Variants in AQR observed in about 807,000 individuals in gnomAD.
AQR encodes the protein RNA helicase aquarius.
AQR carries 61 observed loss-of-function variants against 180.5 expected under a neutral mutation model. The observed-to-expected ratio is 0.34, with a 90% confidence interval of 0.28 to 0.42. The LOEUF is 0.42. Ranked by LOEUF, AQR falls within the 10% of genes least tolerant of loss-of-function variation. The probability of loss-of-function intolerance (pLI) is 1.00; values close to 1 mark genes in which losing one functional copy is unlikely to be tolerated. For synonymous variants in AQR, 551 were observed against 588.8 expected, an observed-to-expected ratio of 0.94 and a Z score of 0.93; for missense variants, 1,281 against 1,798.3, an observed-to-expected ratio of 0.71 and a Z score of 5.20.
At chr15:34,915,356 A>G (rs1487427078) in intron 15 of AQR, among the ~76,000 whole-genome samples, 177 bp from the exon 16 acceptor site, 2 of 151,726 alleles carry the variant, frequency 1.3e-5, no homozygotes, top group Non-Finnish European at 2.9e-5. Flanking sequence ...ATGCCTGGCT[A>G]ATTTTTTGTG....
intron 31 of AQR, 69 bp from the exon 32 acceptor site, chr15:34,867,678 A>G: frequency 9.4e-7 from 1 of 1,068,584 alleles, no homozygotes; most frequent in Non-Finnish European, 1.4e-6. Flanking sequence ...CATTTAAATA[A>G]TGTGCTAGGA....
intron 16 of AQR, 88 bp from the exon 17 acceptor site, chr15:34,910,401 T>A: frequency 1.4e-6 from 2 of 1,392,380 alleles, no homozygotes; most frequent in Non-Finnish European, 2.0e-6. Flanking sequence ...GTAGGAATAC[T>A]GTTCAGCTAG....
intron 1 of AQR, among the ~76,000 whole-genome samples, chr15:34,966,201 C>G (rs927429506): frequency 2.6e-5 from 4 of 152,148 alleles, no homozygotes; most frequent in African/African-American, 9.7e-5. Flanking sequence ...AAAGTGAGGT[C>G]ACAAAGTTCA....
chr15:34,952,967 C>T (rs768053297), intron 3 of AQR, 47 bp from the exon 4 acceptor site: 44 of 1,134,674 alleles, frequency 3.9e-5, no homozygotes, highest in Admixed American at 2.4e-4. Context: ...AGAATACAAA[C>T]GTTTCAGAGT....
At chr15:34,874,619 T>A in intron 29 of AQR, 58 bp downstream of exon 29, 1 of 1,591,134 alleles carries the variant, frequency 6.3e-7, no homozygotes, top group Non-Finnish European at 8.6e-7. Flanking sequence ...TCACAAATAC[T>A]TGGATCATGG....
intron 27 of AQR, among the ~76,000 whole-genome samples, chr15:34,879,760 C>T (rs1282917549): frequency 6.6e-6 from 1 of 152,192 alleles, no homozygotes; most frequent in African/African-American, 2.4e-5. Context: ...CCTTCTCTCT[C>T]ACCCCCAATA....
intron 17 of AQR, among the ~76,000 whole-genome samples, chr15:34,909,614 C>T: frequency 6.6e-6 from 1 of 152,182 alleles, no homozygotes. Context: ...CCCACCCCCA[C>T]ATATTCTTTT....
chr15:34,920,787 T>C (rs1411682185), intron 13 of AQR, among the ~76,000 whole-genome samples: 1 of 151,962 alleles, frequency 6.6e-6, no homozygotes, highest in Non-Finnish European at 1.5e-5. Context: ...TGAAATTCCG[T>C]CTCTACTAAA....
chr15:34,877,741 T>C (rs1432154929), intron 27 of AQR, among the ~76,000 whole-genome samples: 2 of 152,226 alleles, frequency 1.3e-5, no homozygotes. Context: ...AAATTATCAC[T>C]ACTTTAGCTA....
At chr15:34,938,847 TGAA>T (rs1426990800) in intron 8 of AQR, 34 bp from the exon 9 acceptor site, 17 of 1,435,406 alleles carry the variant, frequency 1.2e-5, no homozygotes, top group Non-Finnish European at 1.7e-5. Flanking sequence ...CAATTATTTT[TGAA>T]GAATAGTCAT....
intron 15 of AQR, among the ~76,000 whole-genome samples, chr15:34,916,455 A>T (rs1893589204): frequency 6.6e-6 from 1 of 151,930 alleles, no homozygotes; most frequent in Non-Finnish European, 1.5e-5. Context: ...AAAAAAAAAT[A>T]AACTTAAATA....
intron 17 of AQR, among the ~76,000 whole-genome samples, chr15:34,908,630 T>G (rs949925087): frequency 1.3e-5 from 2 of 152,134 alleles, no homozygotes; most frequent in African/African-American, 4.8e-5. Context: ...CCCATCAAAA[T>G]GTACCCTGTC....
intron 17 of AQR, 100 bp downstream of exon 17, chr15:34,910,035 C>T: frequency 1.5e-6 from 2 of 1,367,264 alleles, no homozygotes; most frequent in Admixed American, 2.0e-5. Context: ...TTAATAAAAG[C>T]TTTAAAGGAT....
intron 22 of AQR, among the ~76,000 whole-genome samples, chr15:34,894,935 C>T (rs2140473354): frequency 6.6e-6 from 1 of 151,388 alleles, no homozygotes; most frequent in South Asian, 2.1e-4. Context: ...GAGGCTGAGG[C>T]AGGCAGATCA....
intron 16 of AQR, among the ~76,000 whole-genome samples, chr15:34,912,128 G>A (rs1206627097): frequency 2.0e-5 from 3 of 151,884 alleles, no homozygotes; most frequent in South Asian, 4.2e-4. Context: ...CTCTTTTGTT[G>A]GTCTATGTGT....
chr15:34,863,025 C>T lies in AQR; in HGVS notation c.3871G>A (p.Val1291Ile). The change falls in exon 33 of 35, where the codon GTA becomes ATA. Residue 1291 changes from valine to isoleucine, a missense_variant. Transcript: ENST00000156471. ...AGTCTGGCTCTAGACATGGCCACTACCAAGCGACGGACATCCCTTTGGGAA... is the reference window on the plus strand; with the variant it reads ...AGTCTGGCTCTAGACATGGCCACTATCAAGCGACGGACATCCCTTTGGGAA... The part of the protein sequence containing the change: ...VGHLRDVRRL[V>I]VAMSRARLGL... The T allele has an allele frequency of 1.9e-6, 3 of 1,613,008 alleles. No individual in the cohort carries two copies. Among genetic ancestry groups the T allele is most frequent in the Non-Finnish European group, 2.5e-6 (3 of 1,179,548 alleles).
intron 19 of AQR, 116 bp from the exon 20 acceptor site, chr15:34,900,979 A>G: frequency 7.2e-7 from 1 of 1,389,512 alleles, no homozygotes; most frequent in Non-Finnish European, 9.6e-7. Flanking sequence ...TCAGAGCAAG[A>G]AGCTATTTTC....
intron 6 of AQR, 107 bp from the exon 7 acceptor site, chr15:34,942,187 C>A: frequency 1.6e-6 from 1 of 613,006 alleles, no homozygotes; most frequent in East Asian, 3.1e-5. Context: ...GAAAACATGC[C>A]ACAAATATTT....
intron 13 of AQR, among the ~76,000 whole-genome samples, chr15:34,923,543 C>T (rs1466942109): frequency 6.6e-6 from 1 of 152,116 alleles, no homozygotes; most frequent in East Asian, 1.9e-4. Flanking sequence ...AAATTTTCTC[C>T]CATACTTCCT....
Sources: gnomAD v4.1 joint callset for allele counts (sites outside exome capture counted in the v4.1 genomes callset) on GRCh38, gnomAD v4.1.1 for gene constraint, MANE v1.5 for transcripts, NCBI Gene and HGNC (gene_info 2026-07-23, HGNC 2026-07-21) for gene names.